PTPRM: variants seen among roughly 807,000 people sequenced by gnomAD.
PTPRM encodes receptor-type tyrosine-protein phosphatase mu.
Under a neutral mutation model 186.7 loss-of-function variants are expected in PTPRM, and 47 were observed. The ratio of observed to expected loss-of-function variants is 0.25; its 90% CI spans 0.20 to 0.32. PTPRM has a LOEUF of 0.32. PTPRM is among the 10% of genes least tolerant of loss of function. The pLI is 1.00. For missense variants in PTPRM, 1,494 were observed against 1,865.0 expected (o/e 0.80, Z 3.66); for synonymous variants, 668 against 674.9 (o/e 0.99, Z 0.16).
At chr18:8,274,478 C>G (rs1393541142) in intron 19 of PTPRM, among the ~76,000 whole-genome samples, 3 of 152,114 alleles carry the variant, frequency 2.0e-5, no homozygotes, top group African/African-American at 7.2e-5. Context: ...TGACTCTTTT[C>G]AATAGTTTTC....
intron 7 of PTPRM, among the ~76,000 whole-genome samples, chr18:7,965,077 T>TA (rs572408699): frequency 7.6e-4 from 39 of 50,994 alleles, no homozygotes; most frequent in African/African-American, 3.7e-3. Flanking sequence ...CGCTCTTGTG[T>TA]ACCCAGGCTG....
At chr18:7,618,016 G>A (rs1237554390) in intron 1 of PTPRM, among the ~76,000 whole-genome samples, 2 of 152,176 alleles carry the variant, frequency 1.3e-5, no homozygotes, top group African/African-American at 4.8e-5. Context: ...ACTGGAATCT[G>A]TTCTCTGAGA....
chr18:7,862,384 A>G (rs2047435812), intron 2 of PTPRM, among the ~76,000 whole-genome samples: 1 of 152,242 alleles, frequency 6.6e-6, no homozygotes, highest in African/African-American at 2.4e-5. Flanking sequence ...TGCTTTGTCA[A>G]CTACATCATA....
chr18:8,271,493 G>A (rs1243156077), intron 19 of PTPRM, among the ~76,000 whole-genome samples: 1 of 151,760 alleles, frequency 6.6e-6, no homozygotes, highest in Non-Finnish European at 1.5e-5. Flanking sequence ...TTTTCATATT[G>A]TGATTTTAGA....
intron 14 of PTPRM, among the ~76,000 whole-genome samples, chr18:8,148,127 T>G (rs1007235226): frequency 1.3e-5 from 2 of 152,224 alleles, no homozygotes; most frequent in African/African-American, 4.8e-5. Flanking sequence ...TTGTTGTCTC[T>G]GCCAGGTTTT....
chr18:8,339,685 G>A (rs73382249), intron 22 of PTPRM, among the ~76,000 whole-genome samples: 1 of 152,126 alleles, frequency 6.6e-6, no homozygotes, highest in Non-Finnish European at 1.5e-5. Context: ...GCTAAGAGGA[G>A]CCTCCCTGTG....
chr18:8,247,141 G>C (rs974213182), intron 15 of PTPRM, among the ~76,000 whole-genome samples: 4 of 151,868 alleles, frequency 2.6e-5, no homozygotes, highest in Non-Finnish European at 5.9e-5. Flanking sequence ...TTCTATCAAG[G>C]CTCTGTCATC....
chr18:7,636,200 C>A (rs2038308497), intron 1 of PTPRM, among the ~76,000 whole-genome samples: 1 of 151,866 alleles, frequency 6.6e-6, no homozygotes, highest in African/African-American at 2.4e-5. Context: ...CTGTTAACCA[C>A]TGCAGTGCTT....
chr18:7,593,684 G>C (rs1400443052), intron 1 of PTPRM, among the ~76,000 whole-genome samples: 3 of 152,144 alleles, frequency 2.0e-5, no homozygotes, highest in African/African-American at 7.2e-5. Context: ...CTTTCTACCT[G>C]CTGGTTCCCT....
chr18:7,661,527 A>G (rs112918011), intron 1 of PTPRM, among the ~76,000 whole-genome samples: 8 of 152,358 alleles, frequency 5.3e-5, no homozygotes, highest in Non-Finnish European at 8.8e-5. Context: ...TCTCTTGCCA[A>G]TTTCCAGGCT....
In PTPRM at chr18:7,811,847, G is replaced by T. The variant is rs187514761; in HGVS notation, c.196+37576G>T. ...TAATCTATATTCTGAACACTTGAAAGGGTTAATATAACCAGTGTTTGGGCA... is the reference window on the plus strand; with the variant it reads ...TAATCTATATTCTGAACACTTGAAATGGTTAATATAACCAGTGTTTGGGCA... On this transcript the variant is annotated intron_variant, in intron 2 of 32. Transcript: ENST00000580170. Among the ~76,000 whole-genome samples, 317 of 152,266 alleles carry T rather than the reference G, an allele frequency of 2.1e-3. 1 individual carries two copies. The highest frequency in any genetic ancestry group is 3.7e-3 in the Non-Finnish European group (252 of 68,024).
chr18:7,989,009 G>A (rs1283650215), intron 7 of PTPRM, among the ~76,000 whole-genome samples: 3 of 152,100 alleles, frequency 2.0e-5, no homozygotes, highest in Admixed American at 2.0e-4. Context: ...TATTGCTAAG[G>A]TTAGAGAATA....
intron 9 of PTPRM, among the ~76,000 whole-genome samples, chr18:8,082,292 A>G (rs1403382440): frequency 2.0e-5 from 3 of 152,214 alleles, no homozygotes; most frequent in African/African-American, 7.2e-5. Flanking sequence ...GAGATTTCAC[A>G]GTACTCCAAG....
chr18:8,228,239 A>C (rs879930248), intron 14 of PTPRM, among the ~76,000 whole-genome samples: 1 of 152,034 alleles, frequency 6.6e-6, no homozygotes, highest in Admixed American at 6.5e-5. Flanking sequence ...GGTGGAACTG[A>C]TCTGTATGGG....
intron 20 of PTPRM, among the ~76,000 whole-genome samples, chr18:8,307,341 G>A (rs1017093342): frequency 1.2e-4 from 18 of 152,266 alleles, no homozygotes; most frequent in East Asian, 1.9e-4. Flanking sequence ...CACATGTCCC[G>A]CGTTCTCCAC....
intron 1 of PTPRM, among the ~76,000 whole-genome samples, chr18:7,657,155 T>G (rs1040832309): frequency 2.0e-5 from 3 of 152,214 alleles, no homozygotes; most frequent in Non-Finnish European, 4.4e-5. Context: ...GTCACCATAC[T>G]TACCCTCTGA....
intron 5 of PTPRM, among the ~76,000 whole-genome samples, chr18:7,935,532 C>CA (rs1383739842): frequency 6.6e-6 from 1 of 151,976 alleles, no homozygotes; most frequent in African/African-American, 2.4e-5. Flanking sequence ...CTAACTCAGC[C>CA]AAAAAAAGAT....
intron 1 of PTPRM, among the ~76,000 whole-genome samples, chr18:7,665,926 A>T (rs1464535469): frequency 6.6e-6 from 1 of 152,138 alleles, no homozygotes; most frequent in Non-Finnish European, 1.5e-5. Context: ...GTCTCAAAAA[A>T]AAAATAGAAT....
At chr18:7,901,277 C>G (rs1249155628) in intron 3 of PTPRM, among the ~76,000 whole-genome samples, 1 of 148,248 alleles carries the variant, frequency 6.7e-6, no homozygotes, top group East Asian at 1.9e-4. Flanking sequence ...GCCAGATAGC[C>G]AGAGTTCACA....
Sources: gnomAD v4.1 joint callset for allele counts (sites outside exome capture counted in the v4.1 genomes callset) on GRCh38, gnomAD v4.1.1 for gene constraint, MANE v1.5 for transcripts, NCBI Gene and HGNC (gene_info 2026-07-23, HGNC 2026-07-21) for gene names.